The following CTNNA2 variants were observed in gnomAD, a reference collection of about 807,000 sequenced individuals.
CTNNA2 encodes catenin alpha-2.
Under a neutral mutation model 101.0 loss-of-function variants are expected in CTNNA2, and 42 were observed. The ratio of observed to expected loss-of-function variants is 0.42; its 90% confidence interval spans 0.32 to 0.54. CTNNA2 has a LOEUF of 0.54. Among genes scored for constraint, CTNNA2 ranks in the 20% least tolerant of loss-of-function variants. The probability of loss-of-function intolerance (pLI) is 0.14; values close to 1 mark genes in which losing one functional copy is unlikely to be tolerated. For synonymous variants in CTNNA2, 450 were observed against 456.4 expected (o/e 0.99, Z 0.18); for missense variants, 871 against 1,223.1 (o/e 0.71, Z 4.29).
chr2:79,662,897 T>A (rs1682136987), intron 2 of CTNNA2, among the ~76,000 whole-genome samples: 2 of 152,216 alleles, frequency 1.3e-5, no homozygotes, highest in South Asian at 4.1e-4. Flanking sequence ...TCCTCCCCCA[T>A]TAGCTCTGCC....
At chr2:79,663,401 T>G (rs957898748) in intron 2 of CTNNA2, among the ~76,000 whole-genome samples, 49 of 152,368 alleles carry the variant, frequency 3.2e-4, no homozygotes, top group African/African-American at 1.1e-3. Flanking sequence ...TCCTGATTTG[T>G]ACCTTGCTGT....
intron 2 of CTNNA2, among the ~76,000 whole-genome samples, chr2:79,728,263 C>T (rs946224689): frequency 3.0e-4 from 46 of 151,964 alleles, no homozygotes; most frequent in African/African-American, 6.8e-4. Context: ...TTTTAATGAT[C>T]GCCATTCTAA....
intron 7 of CTNNA2, among the ~76,000 whole-genome samples, chr2:80,089,493 C>T (rs932621393): frequency 6.6e-6 from 1 of 151,914 alleles, no homozygotes; most frequent in Non-Finnish European, 1.5e-5. Context: ...CTTGAAAGCT[C>T]TCTCTTCCTT....
At chr2:79,659,986 C>T (rs1321553287) in intron 2 of CTNNA2, among the ~76,000 whole-genome samples, 1 of 152,050 alleles carries the variant, frequency 6.6e-6, no homozygotes, top group Non-Finnish European at 1.5e-5. Flanking sequence ...GCATGAGATC[C>T]CATCTCTAAA....
chr2:79,959,516 C>G (rs1027033191), intron 7 of CTNNA2, among the ~76,000 whole-genome samples: 3 of 152,180 alleles, frequency 2.0e-5, no homozygotes, highest in African/African-American at 4.8e-5. Context: ...TTACGCCACT[C>G]TTAATGCCTT....
intron 2 of CTNNA2, among the ~76,000 whole-genome samples, chr2:79,680,830 T>C (rs1036235729): frequency 1.3e-5 from 2 of 152,238 alleles, no homozygotes; most frequent in Admixed American, 1.3e-4. Flanking sequence ...AGAGGTAAAC[T>C]GGCTTTTTCA....
chr2:79,795,961 T>C (rs1291947363), intron 3 of CTNNA2, among the ~76,000 whole-genome samples: 2 of 152,192 alleles, frequency 1.3e-5, no homozygotes, highest in African/African-American at 2.4e-5. Context: ...AGGACATTGG[T>C]CAGTATGTCT....
intron 4 of CTNNA2, among the ~76,000 whole-genome samples, chr2:79,475,695 A>G (rs1171581395): frequency 7.2e-6 from 1 of 139,326 alleles, no homozygotes; most frequent in Non-Finnish European, 1.6e-5. Flanking sequence ...TTTTTGCTTT[A>G]TGTAGCCTTC....
chr2:79,316,674 A>G lies in CTNNA2; in HGVS notation c.-318+3878A>G, dbSNP rs184410431. Among the ~76,000 whole-genome samples the G allele has an allele frequency of 2.4e-3, 359 of 151,864 alleles. 1 individual carries two copies. The highest frequency in any genetic ancestry group is 7.9e-3 in the African/African-American group (328 of 41,524). On this transcript the variant is annotated intron_variant, in intron 3 of 21. Coordinates refer to the CTNNA2 transcript ENST00000466387. Reference sequence around the variant, plus strand: ...TCCTAAACATTTTACTATTTTTAATATAATTATAAATTGAATTGTTTTCTT... The same window carrying G: ...TCCTAAACATTTTACTATTTTTAATGTAATTATAAATTGAATTGTTTTCTT...
At chr2:80,068,758 C>A (rs920826987) in intron 7 of CTNNA2, among the ~76,000 whole-genome samples, 2 of 152,142 alleles carry the variant, frequency 1.3e-5, no homozygotes, top group African/African-American at 4.8e-5. Flanking sequence ...CTTTCCTGGA[C>A]TCAGGAACCT....
intron 6 of CTNNA2, among the ~76,000 whole-genome samples, chr2:79,875,827 C>T (rs956940235): frequency 2.0e-5 from 3 of 151,502 alleles, no homozygotes; most frequent in Admixed American, 6.6e-5. Context: ...AAAATTGCAG[C>T]GAGCAACTGA....
intron 7 of CTNNA2, among the ~76,000 whole-genome samples, chr2:79,950,414 CA>C (rs1688800138): frequency 6.6e-6 from 1 of 152,158 alleles, no homozygotes; most frequent in South Asian, 2.1e-4. Flanking sequence ...ACTTAAAATC[CA>C]ATCAGGCCAA....
chr2:80,646,374 A>C (rs571657460), intron 18 of CTNNA2, among the ~76,000 whole-genome samples: 1 of 152,274 alleles, frequency 6.6e-6, no homozygotes, highest in Admixed American at 6.5e-5. Flanking sequence ...AAGTTTGATG[A>C]AAGATCAGAC....
At chr2:79,676,620 T>C (rs916773125) in intron 2 of CTNNA2, among the ~76,000 whole-genome samples, 11 of 152,084 alleles carry the variant, frequency 7.2e-5, no homozygotes, top group Non-Finnish European at 1.2e-4. Context: ...AGATGCCCCC[T>C]ATGGCCTCTG....
At chr2:79,606,478 C>T (rs1028166642) in intron 1 of CTNNA2, among the ~76,000 whole-genome samples, 1 of 152,112 alleles carries the variant, frequency 6.6e-6, no homozygotes, top group Non-Finnish European at 1.5e-5. Flanking sequence ...GCTTGTTAGC[C>T]AAGATGGTCT....
chr2:80,105,684 C>T (rs143135082), intron 7 of CTNNA2, among the ~76,000 whole-genome samples: 1 of 151,814 alleles, frequency 6.6e-6, no homozygotes, highest in African/African-American at 2.4e-5. Context: ...GAGCCATGAT[C>T]GATCATGCCA....
At chr2:79,758,753 A>G (rs1573893986) in intron 3 of CTNNA2, among the ~76,000 whole-genome samples, 1 of 152,172 alleles carries the variant, frequency 6.6e-6, no homozygotes, top group Non-Finnish European at 1.5e-5. Context: ...AGCTGCATTC[A>G]TGTTGCTGCA....
At chr2:80,590,690 T>C (rs960004035) in intron 15 of CTNNA2, among the ~76,000 whole-genome samples, 1 of 152,170 alleles carries the variant, frequency 6.6e-6, no homozygotes, top group Non-Finnish European at 1.5e-5. Flanking sequence ...TGGCCCTTTT[T>C]CCCAATATTT....
chr2:80,363,780 C>A (rs926311183), intron 7 of CTNNA2, among the ~76,000 whole-genome samples: 36 of 152,236 alleles, frequency 2.4e-4, no homozygotes, highest in African/African-American at 8.4e-4. Context: ...TGCTATAAAT[C>A]TTAGCCAGGA....
Sources: allele counts gnomAD v4.1 joint callset (sites outside exome capture counted in the v4.1 genomes callset), GRCh38; gene constraint gnomAD v4.1.1; transcripts MANE v1.5; gene names NCBI Gene and HGNC (gene_info 2026-07-23, HGNC 2026-07-21).